The following ZNF584 variants were observed in gnomAD, a reference collection of about 807,000 sequenced individuals.
The protein encoded by ZNF584 is zinc finger protein 584.
Under a neutral mutation model 14.7 loss-of-function variants are expected in ZNF584, and 12 were observed. The observed-to-expected ratio is 0.82, with a 90% CI of 0.52 to 1.32. ZNF584 has a LOEUF of 1.32. Among genes scored for constraint, ZNF584 ranks in the 40% most tolerant of loss-of-function variants. The pLI is 0.00. For missense variants in ZNF584, 478 were observed against 518.8 expected, an observed-to-expected ratio of 0.92 and a Z score of 0.76; for synonymous variants, 204 against 190.9, an observed-to-expected ratio of 1.07 and a Z score of -0.57.
At chr19:58,412,601 G>A (rs1359584792) in intron 2 of ZNF584, among the ~76,000 whole-genome samples, 1 of 152,206 alleles carries the variant, frequency 6.6e-6, no homozygotes, top group East Asian at 1.9e-4. Context: ...ACCACACCCA[G>A]CCAGTGGTGT....
At chr19:58,408,319 T>A (rs1020860882), upstream of ZNF584, 2 of 152,276 alleles carry the variant, frequency 1.3e-5, no homozygotes, top group Non-Finnish European at 2.9e-5. Context: ...CCCTCCACTG[T>A]GAGGTCACCG....
intron 1 of ZNF584, among the ~76,000 whole-genome samples, chr19:58,403,036 G>T (rs1369507693): frequency 6.6e-6 from 1 of 152,190 alleles, no homozygotes; most frequent in Non-Finnish European, 1.5e-5. Flanking sequence ...ATGCTAGCAA[G>T]GTTGTGAGGC....
chr19:58,416,724 C>G (rs1568588786), intron 3 of ZNF584, 87 bp from the exon 4 acceptor site: 1 of 1,483,088 alleles, frequency 6.7e-7, no homozygotes. Flanking sequence ...CTATGGAGTC[C>G]TTCTGGGTGT....
At chr19:58,410,172 G>A in intron 2 of ZNF584, 81 bp downstream of exon 2, 1 of 1,481,856 alleles carries the variant, frequency 6.7e-7, no homozygotes, top group Non-Finnish European at 9.0e-7. Context: ...AACGAAGCCA[G>A]ACCATGGGGG....
Position 58,410,621 on chromosome 19 carries a change from A to ATATG in ZNF584, c.169+531_169+532insATGT, listed in dbSNP as rs1317321062. Among the ~76,000 whole-genome samples the ATATG allele has an allele frequency of 3.5e-4, 17 of 48,018 alleles. 1 individual carries two copies. The highest frequency in any genetic ancestry group is 3.1e-3 in the African/African-American group (17 of 5,564). 31.5% of individuals were successfully genotyped at this position (48,018 alleles called of 152,430 possible). ...TATATATGTATATATATGTGTATAT[A>ATATG]TGTGTATATATGTGTATATATATGT... On this transcript the variant is annotated intron_variant, in intron 2 of 3. Coordinates refer to ENST00000306910, the MANE Select transcript of ZNF584 (RefSeq NM_173548.3).
chr19:58,412,655 G>C (rs796787461), intron 2 of ZNF584, among the ~76,000 whole-genome samples: 4 of 152,270 alleles, frequency 2.6e-5, no homozygotes, highest in African/African-American at 4.8e-5. Context: ...GGGTAATTTT[G>C]GCCTCAATGG....
At chr19:58,410,551 A>T (rs1464147555) in intron 2 of ZNF584, among the ~76,000 whole-genome samples, 43 of 31,342 alleles carry the variant, frequency 1.4e-3, no homozygotes, top group African/African-American at 1.7e-3. Context: ...ATATATATAT[A>T]TATATATGTG....
upstream of ZNF584, among the ~76,000 whole-genome samples, chr19:58,403,916 G>A (rs1210434178): frequency 6.7e-6 from 1 of 149,248 alleles, no homozygotes; most frequent in Non-Finnish European, 1.5e-5. Context: ...CTGTGAGATC[G>A]TGGCACTGCA....
Position 58,418,261 on chromosome 19 carries a change from C to T in ZNF584, c.*477C>T. Reference sequence around the variant, plus strand: ...ACACATGGTATTTGTCATGCCCTAGCATGGACTGTCTCATACTGCTCTGGA... The same window carrying T: ...ACACATGGTATTTGTCATGCCCTAGTATGGACTGTCTCATACTGCTCTGGA... On this transcript the variant is annotated 3_prime_UTR_variant, in exon 4 of 4. Coordinates refer to ENST00000306910, the MANE Select transcript of ZNF584 (RefSeq NM_173548.3). 5.4e-6 allele frequency: 1 copy of T among 186,766 alleles called. No individual in the cohort carries two copies. The highest frequency in any genetic ancestry group is 1.1e-5 in the Non-Finnish European group (1 of 87,788). 11.6% of individuals were successfully genotyped at this position (186,766 alleles called of 1,614,324 possible). A position where few individuals can be genotyped will look rare whatever the true frequency, so the allele number is the denominator to read the frequency against.
chr19:58,411,990 T>G (rs963909441), intron 2 of ZNF584, among the ~76,000 whole-genome samples: 13 of 146,626 alleles, frequency 8.9e-5, no homozygotes, highest in African/African-American at 1.3e-4. Flanking sequence ...TTTTTTTTTT[T>G]TTTTTTTTTT....
chr19:58,415,685 G>T, intron 3 of ZNF584, 39 bp downstream of exon 3: 1 of 1,608,226 alleles, frequency 6.2e-7, no homozygotes, highest in South Asian at 1.1e-5. Flanking sequence ...TTTCAGCAGT[G>T]GGCTCACAGA....
chr19:58,409,820 T>G lies in ZNF584; in HGVS notation c.19-121T>G. On this transcript the variant is annotated intron_variant, in intron 1 of 3. Transcript: ENST00000306910. ...AGTAAGGTGGGGAAGAGTTTAGAGC[T>G]CATAGGGAAAGATAATGTCAGGGGG... is the stretch of plus-strand genomic sequence containing the variant. 4 of 1,210,654 alleles carry G rather than the reference T, an allele frequency of 3.3e-6. No individual in the cohort carries two copies. In the South Asian group the frequency reaches 5.2e-5, roughly 16 times the overall value. The allele number at this position is 1,210,654 out of a possible 1,614,324, so 75.0% of individuals were successfully genotyped here.
chr19:58,410,777 A>ATTTT (rs1491122996), intron 2 of ZNF584, among the ~76,000 whole-genome samples: 5 of 8,064 alleles, frequency 6.2e-4, no homozygotes, highest in Non-Finnish European at 1.3e-3. Flanking sequence ...ATATATATAT[A>ATTTT]ATTTTTTTTT....
rs772432422 is a variant in ZNF584, at chr19:58,410,105, A to G, written c.169+14A>G. 6 of 1,597,754 alleles carry G rather than the reference A, an allele frequency of 3.8e-6. No individual in the cohort carries two copies. The highest frequency in any genetic ancestry group is 1.3e-5 in the African/African-American group (1 of 74,372). On this transcript the variant is annotated intron_variant, in intron 2 of 3. Coordinates refer to ENST00000306910, the MANE Select transcript of ZNF584 (RefSeq NM_173548.3). ...TTAGCTCACTGGGTAAGTCTCTTAC[A>G]CTGTCCCCCAGCACACTGACTACCC...
intron 2 of ZNF584, among the ~76,000 whole-genome samples, chr19:58,410,825 TCTGTTG>T (rs2052561437): frequency 8.7e-6 from 1 of 115,536 alleles, no homozygotes; most frequent in East Asian, 3.1e-4. Context: ...AGAGCCTCAC[TCTGTTG>T]CCCAGGCTGG....
chr19:58,414,887 TTTTG>T (rs1179913870), intron 2 of ZNF584, among the ~76,000 whole-genome samples: 3 of 152,068 alleles, frequency 2.0e-5, no homozygotes, highest in African/African-American at 7.2e-5. Flanking sequence ...TTTTTTTTCT[TTTTG>T]TTTGTTTGTT....
chr19:58,416,050 C>T, intron 3 of ZNF584: 1 of 1,353,916 alleles, frequency 7.4e-7, no homozygotes, highest in Non-Finnish European at 1.0e-6. Context: ...TTGGCTGTCA[C>T]CAGCAGCCAA....
chr19:58,404,171 C>T (rs987590137), upstream of ZNF584: 6 of 152,752 alleles, frequency 3.9e-5, no homozygotes, highest in African/African-American at 1.5e-4. Context: ...AGGCCCTGGA[C>T]CCTCTACTCC....
At chr19:58,405,655 C>T (rs1273450352), upstream of ZNF584, 199 of 178,850 alleles carry the variant, frequency 1.1e-3, 1 homozygote, top group Admixed American at 6.3e-4. Context: ...CAGAGGGTCT[C>T]CTCACTTCTC....
Sources: gnomAD v4.1 joint callset for allele counts (sites outside exome capture counted in the v4.1 genomes callset) on GRCh38, gnomAD v4.1.1 for gene constraint, MANE v1.5 for transcripts, NCBI Gene and HGNC (gene_info 2026-07-23, HGNC 2026-07-21) for gene names.